The following PRKG1 variants were observed in gnomAD, a reference collection of about 807,000 sequenced individuals.
PRKG1 encodes protein kinase cGMP-dependent 1.
PRKG1 carries 35 observed loss-of-function variants against 88.1 expected under a neutral mutation model. The observed-to-expected ratio is 0.40, with a 90% CI of 0.30 to 0.53. PRKG1 has a LOEUF of 0.53. Ranked by LOEUF, PRKG1 falls within the 20% of genes least tolerant of loss-of-function variation. The pLI, the probability that PRKG1 is intolerant of heterozygous loss-of-function variation, is 0.59. For missense variants in PRKG1, 540 were observed against 839.8 expected (o/e 0.64, Z 4.41); for synonymous variants, 303 against 292.5 (o/e 1.04, Z -0.37).
At chr10:52,035,303 T>A (rs12774634) in intron 5 of PRKG1, among the ~76,000 whole-genome samples, 1 of 151,770 alleles carries the variant, frequency 6.6e-6, no homozygotes, top group Non-Finnish European at 1.5e-5. Flanking sequence ...GGCAAATCCT[T>A]GAGCTTGGTG....
intron 10 of PRKG1, among the ~76,000 whole-genome samples, chr10:52,266,656 C>T (rs1455177609): frequency 3.9e-5 from 6 of 151,906 alleles, no homozygotes; most frequent in African/African-American, 1.5e-4. Context: ...AAAGAAAACA[C>T]TTTGTTTGAT....
chr10:51,294,090 G>A (rs995611438), intron 2 of PRKG1, among the ~76,000 whole-genome samples: 2 of 151,912 alleles, frequency 1.3e-5, no homozygotes, highest in African/African-American at 4.8e-5. Flanking sequence ...TTATTGAGTT[G>A]TATGAGTTCT....
At chr10:51,973,331 C>G (rs1262541503) in intron 5 of PRKG1, among the ~76,000 whole-genome samples, 1 of 152,172 alleles carries the variant, frequency 6.6e-6, no homozygotes, top group African/African-American at 2.4e-5. Flanking sequence ...AGATCATACT[C>G]ATTTTCTACT....
At chr10:51,036,349 T>C (rs1843354250) in intron 1 of PRKG1, among the ~76,000 whole-genome samples, 1 of 152,160 alleles carries the variant, frequency 6.6e-6, no homozygotes, top group South Asian at 2.1e-4. Flanking sequence ...ATTACTTTCA[T>C]AGGATAATGC....
intron 2 of PRKG1, among the ~76,000 whole-genome samples, chr10:51,343,210 C>CT (rs1244888955): frequency 3.3e-5 from 5 of 152,052 alleles, no homozygotes; most frequent in East Asian, 1.9e-4. Flanking sequence ...TCTTGTATAT[C>CT]TTTTTTTTCC....
chr10:50,996,258 AATT>A (rs1287734603), intron 1 of PRKG1, among the ~76,000 whole-genome samples: 1 of 152,174 alleles, frequency 6.6e-6, no homozygotes, highest in Non-Finnish European at 1.5e-5. Flanking sequence ...GGCTTGAAGA[AATT>A]TAAGTCACCT....
chr10:52,117,165 T>TGTGTGC (rs1847707438), intron 7 of PRKG1, among the ~76,000 whole-genome samples: 1 of 522 alleles, frequency 1.9e-3, no homozygotes, highest in Non-Finnish European at 0.017. Flanking sequence ...GTGAAATATC[T>TGTGTGC]GTGTGTGTGT....
chr10:51,955,837 TAAAGCG>T (rs1451783345), intron 5 of PRKG1, among the ~76,000 whole-genome samples: 2 of 152,130 alleles, frequency 1.3e-5, no homozygotes, highest in Non-Finnish European at 2.9e-5. Context: ...TTTTTAGAGT[TAAAGCG>T]AAAGTCTTAG....
chr10:51,254,837 A>G (rs1448480418), intron 2 of PRKG1, among the ~76,000 whole-genome samples: 4 of 152,042 alleles, frequency 2.6e-5, no homozygotes, highest in Admixed American at 2.6e-4. Flanking sequence ...TAGCAGTCAA[A>G]AATAGATCTA....
intron 5 of PRKG1, among the ~76,000 whole-genome samples, chr10:51,936,636 TAG>T (rs1232475340): frequency 6.6e-6 from 1 of 151,892 alleles, no homozygotes; most frequent in Non-Finnish European, 1.5e-5. Context: ...ATGCTGGGGG[TAG>T]AGAGTATGAG....
rs201030270 is a variant in PRKG1, at chr10:51,318,711, A to ATCT, written c.479-149010_479-149008dup. On this transcript the variant is annotated intron_variant, in intron 2 of 17. Coordinates refer to ENST00000373980, the MANE Select transcript of PRKG1 (RefSeq NM_006258.4). ...CATTGAAAGAATTTTTTTCATAAAAATCTTTAACAGAGGAGGAAAGCTAGA... is the reference window on the plus strand; with the variant it reads ...CATTGAAAGAATTTTTTTCATAAAAATCTTCTTTAACAGAGGAGGAAAGCTAGA... Among the ~76,000 whole-genome samples, 541 of 152,298 alleles carry ATCT rather than the reference A, an allele frequency of 3.6e-3. 3 individuals carry two copies. Among genetic ancestry groups the ATCT allele is most frequent in the African/African-American group, 0.012 (510 of 41,574 alleles).
chr10:51,127,185 A>G (rs1024457095), intron 1 of PRKG1, among the ~76,000 whole-genome samples: 4 of 152,172 alleles, frequency 2.6e-5, no homozygotes, highest in Admixed American at 6.6e-5. Flanking sequence ...AATCCAGAGA[A>G]TGGGAGAAAA....
intron 2 of PRKG1, among the ~76,000 whole-genome samples, chr10:51,169,921 G>A (rs1389722443): frequency 6.6e-6 from 1 of 151,686 alleles, no homozygotes; most frequent in Non-Finnish European, 1.5e-5. Context: ...CATACTTCTG[G>A]CTCAACTTCC....
At chr10:51,898,941 G>T (rs888912031) in intron 4 of PRKG1, among the ~76,000 whole-genome samples, 8 of 152,114 alleles carry the variant, frequency 5.3e-5, no homozygotes, top group Non-Finnish European at 1.2e-4. Context: ...TTACAAAACA[G>T]AAAGTTTGAA....
intron 3 of PRKG1, among the ~76,000 whole-genome samples, chr10:51,784,772 C>A (rs1838686132): frequency 6.6e-6 from 1 of 152,032 alleles, no homozygotes; most frequent in Admixed American, 6.6e-5. Flanking sequence ...AAATATGACT[C>A]TATGGTTTCA....
chr10:51,495,374 C>T (rs903838561), intron 3 of PRKG1, among the ~76,000 whole-genome samples: 5 of 152,176 alleles, frequency 3.3e-5, no homozygotes, highest in Non-Finnish European at 7.4e-5. Context: ...GGATTGCAGG[C>T]GTGAGCCACC....
chr10:51,830,068 A>C lies in PRKG1; in HGVS notation c.698+25378A>C, dbSNP rs1589329148. On this transcript the variant is annotated intron_variant, in intron 4 of 17. Transcript: ENST00000373980. ...TATTTACATGGTGACCACTTCGGGA[A>C]AGGGTGAAAAGATTTCCTGGGAGAG... is the stretch of plus-strand genomic sequence containing the variant. 1.4e-4 allele frequency among the ~76,000 whole-genome samples: 21 copies of C among 152,278 alleles called. No individual in the cohort carries two copies. In the South Asian group the frequency reaches 3.9e-3, roughly 29 times the overall value.
At chr10:51,792,574 A>G (rs1838896262) in intron 3 of PRKG1, among the ~76,000 whole-genome samples, 1 of 152,182 alleles carries the variant, frequency 6.6e-6, no homozygotes. Flanking sequence ...AGACTGGGAC[A>G]CTTGGAGCAT....
intron 3 of PRKG1, among the ~76,000 whole-genome samples, chr10:51,788,060 A>G (rs767113087): frequency 2.0e-5 from 3 of 152,162 alleles, no homozygotes; most frequent in Admixed American, 6.6e-5. Flanking sequence ...AATTGGTGCT[A>G]TTGTGTGGAG....
Sources: gnomAD v4.1 joint callset for allele counts (sites outside exome capture counted in the v4.1 genomes callset) on GRCh38, gnomAD v4.1.1 for gene constraint, MANE v1.5 for transcripts, NCBI Gene and HGNC (gene_info 2026-07-23, HGNC 2026-07-21) for gene names.